The following SHCBP1L variants were observed in gnomAD, a reference collection of about 807,000 sequenced individuals.
SHCBP1L encodes the protein testicular spindle-associated protein SHCBP1L.
In SHCBP1L, 67 loss-of-function variants were observed where a neutral mutation model predicts 62.5. The observed-to-expected ratio is 1.07, with a 90% CI of 0.88 to 1.31. The LOEUF (loss-of-function observed/expected upper bound fraction) is 1.31. Ranked by LOEUF, SHCBP1L falls within the 40% of genes most tolerant of loss-of-function variation. The pLI, the probability that SHCBP1L is intolerant of heterozygous loss-of-function variation, is 0.00. For missense variants in SHCBP1L, 823 were observed against 809.8 expected (o/e 1.02, Z -0.20); for synonymous variants, 284 against 289.4 (o/e 0.98, Z 0.19).
At chr1:182,932,774 C>T (rs542738188) in intron 5 of SHCBP1L, among the ~76,000 whole-genome samples, 16 of 152,240 alleles carry the variant, frequency 1.1e-4, no homozygotes, top group Non-Finnish European at 2.2e-4. Context: ...GGATTACAGG[C>T]GTGAGCCATC....
At chr1:182,922,104 C>G (rs1305546644) in intron 6 of SHCBP1L, among the ~76,000 whole-genome samples, 1 of 152,112 alleles carries the variant, frequency 6.6e-6, no homozygotes, top group Non-Finnish European at 1.5e-5. Context: ...AATTAACTAT[C>G]TTAAATATAT....
In SHCBP1L at chr1:182,952,825, C is replaced by T; in HGVS notation, c.309G>A (p.Ala103=). 1 of 1,612,240 alleles carries T rather than the reference C, an allele frequency of 6.2e-7. No individual in the cohort carries two copies. The highest frequency in any genetic ancestry group is 1.7e-4 in the Middle Eastern group (1 of 6,054). Residue 103 remains alanine (A), a synonymous_variant, in exon 1 of 10, where the codon GCG becomes GCA. Transcript: ENST00000367547. Reference sequence around the variant, plus strand: ...ACACGCAGACTGGGGGCAGGGGCTGCGCCTCCTCTTCATCCTCAGGCACTG... The same window carrying T: ...ACACGCAGACTGGGGGCAGGGGCTGTGCCTCCTCTTCATCCTCAGGCACTG... ...LLPVPEDEEE[A]QPLPPVCVSR... is the part of the protein sequence containing the mutation.
At chr1:182,924,958 GAAAGAAAGAAAGAAAGAAA>G (rs1650682510) in intron 6 of SHCBP1L, among the ~76,000 whole-genome samples, 1 of 111,988 alleles carries the variant, frequency 8.9e-6, no homozygotes, top group African/African-American at 3.7e-5. Context: ...AAGAAAGAAA[GAAAGAAAGAAAGAAAGAAA>G]AAAAAAGGAA....
chr1:182,939,618 G>A, intron 3 of SHCBP1L, 65 bp from the exon 4 acceptor site: 1 of 1,141,026 alleles, frequency 8.8e-7, no homozygotes, highest in Non-Finnish European at 1.2e-6. Context: ...GAGCTAAATG[G>A]ATATTCTGAT....
chr1:182,915,774 T>C (rs1051092231), intron 6 of SHCBP1L, among the ~76,000 whole-genome samples: 1 of 151,832 alleles, frequency 6.6e-6, no homozygotes, highest in African/African-American at 2.4e-5. Flanking sequence ...AACTGAAAAA[T>C]TTAGACATAT....
chr1:182,920,159 G>A (rs1407445623), intron 6 of SHCBP1L, among the ~76,000 whole-genome samples: 1 of 152,210 alleles, frequency 6.6e-6, no homozygotes, highest in African/African-American at 2.4e-5. Flanking sequence ...GCTTTGGTTA[G>A]CACTCACCAT....
At chr1:182,938,128 A>C (rs371794061) in intron 5 of SHCBP1L, among the ~76,000 whole-genome samples, 1 of 152,048 alleles carries the variant, frequency 6.6e-6, no homozygotes, top group Non-Finnish European at 1.5e-5. Context: ...TCTTTCTGAG[A>C]TGGAGTTTCG....
intron 6 of SHCBP1L, among the ~76,000 whole-genome samples, chr1:182,922,200 G>A (rs1285152847): frequency 6.6e-6 from 1 of 152,166 alleles, no homozygotes; most frequent in East Asian, 1.9e-4. Context: ...CAACAGTGGT[G>A]CAAGACTTCA....
intron 6 of SHCBP1L, among the ~76,000 whole-genome samples, chr1:182,912,371 G>A (rs902380214): frequency 6.6e-6 from 1 of 152,176 alleles, no homozygotes; most frequent in Non-Finnish European, 1.5e-5. Flanking sequence ...GTTGTCCAAA[G>A]AAACCCAAGA....
At position 182,951,344 on chromosome 1, in the gene SHCBP1L, T is replaced by C. The variant is rs1651738669; in HGVS notation, c.529A>G (p.Ile177Val). ...VFFVKYEEAS[I>V]PFVGILVEVT... ...TCAACCAATATACCAACAAAAGGGA[T>C]AGAAGCTTCTTCATATTTCACAAAG... The change falls in exon 2 of 10, where the codon ATC (isoleucine) becomes GTC (valine). Residue 177 changes from isoleucine to valine, a missense_variant. Transcript: ENST00000367547. 1.3e-6 allele frequency: 2 copies of C among 1,591,572 alleles called. No individual in the cohort carries two copies. Among genetic ancestry groups the C allele is most frequent in the Non-Finnish European group, 8.5e-7 (1 of 1,170,250 alleles).
chr1:182,918,912 C>T (rs1180629550), intron 6 of SHCBP1L, among the ~76,000 whole-genome samples: 3 of 152,152 alleles, frequency 2.0e-5, no homozygotes, highest in Non-Finnish European at 4.4e-5. Context: ...ATAGTCTCTT[C>T]AACATATGGT....
intron 2 of SHCBP1L, chr1:182,942,522 C>T (rs1037052496): frequency 5.2e-6 from 3 of 578,976 alleles, no homozygotes; most frequent in Non-Finnish European, 9.3e-6. Flanking sequence ...CTGAGACCCA[C>T]CAAGAGTAAA....
chr1:182,949,603 G>T, intron 2 of SHCBP1L, among the ~76,000 whole-genome samples: 1 of 151,712 alleles, frequency 6.6e-6, no homozygotes, highest in East Asian at 2.0e-4. Context: ...AGGCTGAGGT[G>T]GGAGGACTGC....
intron 6 of SHCBP1L, among the ~76,000 whole-genome samples, chr1:182,924,700 GGAA>G (rs1261958411): frequency 0.025 from 2,103 of 83,388 alleles, 72 homozygotes; most frequent in Middle Eastern, 0.048. Context: ...GGAAAGGAAA[GGAA>G]GAAAGAAAGA....
intron 5 of SHCBP1L, among the ~76,000 whole-genome samples, chr1:182,934,109 G>A (rs563198208): frequency 6.6e-6 from 1 of 152,166 alleles, no homozygotes; most frequent in South Asian, 2.1e-4. Context: ...TATCTAATTT[G>A]TTGGCTTATT....
chr1:182,936,130 G>GTTTTTTTTT (rs71127329), intron 5 of SHCBP1L, among the ~76,000 whole-genome samples: 2 of 63,988 alleles, frequency 3.1e-5, no homozygotes, highest in Non-Finnish European at 6.4e-5. Context: ...TTTGTTTTTT[G>GTTTTTTTTT]TTTTTTTTTT....
At chr1:182,927,799 C>T (rs1650829974) in intron 6 of SHCBP1L, among the ~76,000 whole-genome samples, 1 of 151,980 alleles carries the variant, frequency 6.6e-6, no homozygotes, top group Non-Finnish European at 1.5e-5. Context: ...TTTCTCCTCA[C>T]AGTAGTCTCC....
Position 182,953,066 on chromosome 1 carries a change from C to T in SHCBP1L, c.68G>A (p.Gly23Asp). 6.5e-7 allele frequency: 1 copy of T among 1,548,434 alleles called. No homozygotes were observed. Among genetic ancestry groups the T allele is most frequent in the Non-Finnish European group, 8.7e-7 (1 of 1,153,158 alleles). ...GGAGACAGCGGAGGCGGACTTCTCG[C>T]CTCGCCTGTCCGGGCTGATGGTGCG... ...SFRTISPDRR[G>D]EKSASAVSGD... The change falls in exon 1 of 10, where the codon GGC (glycine) becomes GAC (aspartate). Residue 23 changes from glycine to aspartate, a missense_variant. Physicochemically the swap from Gly to Asp is moderately conservative, Grantham distance 94. Coordinates refer to ENST00000367547, the MANE Select transcript of SHCBP1L (RefSeq NM_030933.4).
intron 6 of SHCBP1L, among the ~76,000 whole-genome samples, chr1:182,925,847 T>C (rs1226634724): frequency 6.6e-6 from 1 of 152,194 alleles, no homozygotes; most frequent in Admixed American, 6.5e-5. Flanking sequence ...GATCATTGTA[T>C]ATACATACAA....
Sources: gnomAD v4.1 joint callset for allele counts (sites outside exome capture counted in the v4.1 genomes callset) on GRCh38, gnomAD v4.1.1 for gene constraint, MANE v1.5 for transcripts, NCBI Gene and HGNC (gene_info 2026-07-23, HGNC 2026-07-21) for gene names.